ZFYVE1: variants seen among roughly 807,000 people sequenced by gnomAD.
The protein encoded by ZFYVE1 is zinc finger FYVE-type containing 1, also known as zinc finger FYVE domain-containing protein 1.
A neutral mutation model predicts 74.4 loss-of-function variants in ZFYVE1; 30 were observed. That is an observed-to-expected ratio of 0.40 (90% CI 0.30 to 0.55). The LOEUF is 0.55. Ranked by LOEUF, ZFYVE1 falls within the 20% of genes least tolerant of loss-of-function variation. The pLI is 0.42. For synonymous variants in ZFYVE1, 335 were observed against 385.1 expected (o/e 0.87, Z 1.52); for missense variants, 703 against 1,011.6 (o/e 0.69, Z 4.14).
At chr14:72,991,490 C>T (rs1893612393) in intron 4 of ZFYVE1, among the ~76,000 whole-genome samples, 1 of 152,006 alleles carries the variant, frequency 6.6e-6, no homozygotes, top group African/African-American at 2.4e-5. Context: ...CGCCCGGCCC[C>T]TGATGGTCTT....
rs1466943158 is a variant in ZFYVE1 at position 72,998,091 on chromosome 14, C to T, written c.708G>A (p.Thr236=). Residue 236 remains threonine, a synonymous_variant, in exon 3 of 12, where the codon ACG becomes ACA. Coordinates refer to ENST00000556143, the MANE Select transcript of ZFYVE1 (RefSeq NM_021260.4). The part of the protein sequence containing the change: ...DPVHKVAVID[T]EGLLGATVNL... ...TCACGGTGGCCCCCAGGAGCCCTTCCGTATCGATCACTGCTACTTTGTGAA... is the reference window on the plus strand; with the variant it reads ...TCACGGTGGCCCCCAGGAGCCCTTCTGTATCGATCACTGCTACTTTGTGAA... 11 of 1,614,006 alleles carry T rather than the reference C, an allele frequency of 6.8e-6. No individual in the cohort carries two copies. The highest frequency in any genetic ancestry group is 1.1e-5 in the South Asian group (1 of 91,066).
At chr14:73,007,658 G>A (rs572846155) in intron 2 of ZFYVE1, among the ~76,000 whole-genome samples, 2 of 152,224 alleles carry the variant, frequency 1.3e-5, no homozygotes, top group South Asian at 4.1e-4. Flanking sequence ...TTATAGGTGT[G>A]AGCCACTGAG....
intron 2 of ZFYVE1, among the ~76,000 whole-genome samples, chr14:73,019,347 G>GT (rs1350152245): frequency 6.6e-6 from 1 of 151,984 alleles, no homozygotes; most frequent in Admixed American, 6.6e-5. Flanking sequence ...TTGGGAGGCT[G>GT]TAAGTGGAAG....
chr14:73,014,361 T>C (rs1265244468), intron 2 of ZFYVE1, among the ~76,000 whole-genome samples: 1 of 152,176 alleles, frequency 6.6e-6, no homozygotes, highest in African/African-American at 2.4e-5. Flanking sequence ...TTGGTCTGAG[T>C]CATCCTCAAC....
intron 2 of ZFYVE1, among the ~76,000 whole-genome samples, chr14:72,999,180 A>G (rs1229047450): frequency 2.0e-5 from 3 of 152,016 alleles, no homozygotes; most frequent in African/African-American, 4.8e-5. Flanking sequence ...TGTAATCCCA[A>G]CACTTTGTGA....
chr14:72,978,175 G>A lies in ZFYVE1; in HGVS notation c.1479C>T (p.Asp493=). The change falls in exon 7 of 12, where the codon GAC becomes GAT. Residue 493 remains aspartate, a synonymous_variant. Coordinates refer to ENST00000556143, the MANE Select transcript of ZFYVE1 (RefSeq NM_021260.4). ...ATTTTGCGAGACCCATCCAGGGGGA[G>A]TCAGTGGAAGCAGATGTTTTGGGCA... ...SVVPKTSAST[D]SPWMGLAKYA... is the part of the protein sequence containing the mutation. 1 of 1,614,232 alleles carries A rather than the reference G, an allele frequency of 6.2e-7. No individual in the cohort carries two copies. The highest frequency in any genetic ancestry group is 8.5e-7 in the Non-Finnish European group (1 of 1,180,044).
Position 72,975,072 on chromosome 14 carries a change from G to C in ZFYVE1, c.1807-113C>G. ...GCAGAAACTAAGGCAGGTGGCGTTA[G>C]CTCAACAAGGACAAGAGCTTTCTAG... On this transcript the variant is annotated intron_variant, in intron 9 of 11. Coordinates refer to ENST00000556143, the MANE Select transcript of ZFYVE1 (RefSeq NM_021260.4). The surrounding 1 kb of genome is among the most constrained non-coding windows in gnomAD (Gnocchi z 4.1). The C allele has an allele frequency of 4.2e-6, 5 of 1,182,990 alleles. No homozygotes were observed. The highest frequency in any genetic ancestry group is 5.8e-6 in the Non-Finnish European group (5 of 855,400). The allele number at this position is 1,182,990 out of a possible 1,614,324, so 73.3% of individuals were successfully genotyped here.
At chr14:72,984,461 G>A (rs941336997) in intron 4 of ZFYVE1, among the ~76,000 whole-genome samples, 3 of 152,020 alleles carry the variant, frequency 2.0e-5, no homozygotes, top group Admixed American at 6.6e-5. Flanking sequence ...CCCGGGAGGC[G>A]GACGTTACAG....
At chr14:73,012,845 T>C (rs1894117453) in intron 2 of ZFYVE1, among the ~76,000 whole-genome samples, 1 of 152,162 alleles carries the variant, frequency 6.6e-6, no homozygotes, top group South Asian at 2.1e-4. Context: ...ACATAAACTA[T>C]ATTGAACGCT....
chr14:72,976,550 C>T (rs140739505), intron 8 of ZFYVE1, among the ~76,000 whole-genome samples: 61 of 151,896 alleles, frequency 4.0e-4, no homozygotes, highest in African/African-American at 1.2e-3. Context: ...TTTGGGAGGC[C>T]GAGGTAGGTG....
intron 2 of ZFYVE1, among the ~76,000 whole-genome samples, chr14:73,013,501 C>T (rs2333020): frequency 6.6e-6 from 1 of 151,358 alleles, no homozygotes; most frequent in Non-Finnish European, 1.5e-5. Flanking sequence ...CCAGCTACTT[C>T]GGAGGCTGAG....
intron 4 of ZFYVE1, among the ~76,000 whole-genome samples, chr14:72,982,813 G>T (rs1228160311): frequency 6.6e-6 from 1 of 152,154 alleles, no homozygotes; most frequent in Admixed American, 6.6e-5. Context: ...CTGGAAAAAG[G>T]GCAGGTTAGG....
At chr14:73,003,707 CTG>C (rs1893922294) in intron 2 of ZFYVE1, among the ~76,000 whole-genome samples, 10 of 149,132 alleles carry the variant, frequency 6.7e-5, no homozygotes, top group African/African-American at 2.4e-5. Flanking sequence ...AAGACTCTAA[CTG>C]GAAAAAAAAA....
At position 73,024,784 on chromosome 14, in the gene ZFYVE1, G is replaced by T. The variant is rs982572633; in HGVS notation, c.-276C>A. On this transcript the variant is annotated 5_prime_UTR_variant, in exon 2 of 12. Transcript: ENST00000556143. The stretch of plus-strand genomic sequence containing the variant: ...TGCAAGCAAAGATGTGGTCAAAATT[G>T]ACTTGGAAGGGTCTTTTATGGCTAT... 2.7e-6 allele frequency: 1 copy of T among 370,154 alleles called. No individual in the cohort carries two copies. The highest frequency in any genetic ancestry group is 4.4e-5 in the Admixed American group (1 of 22,698). 22.9% of individuals were successfully genotyped at this position (370,154 alleles called of 1,614,324 possible).
intron 2 of ZFYVE1, among the ~76,000 whole-genome samples, chr14:73,019,430 A>G (rs1044035810): frequency 2.6e-4 from 40 of 151,974 alleles, no homozygotes; most frequent in Admixed American, 2.5e-3. Context: ...AAAAATCCCT[A>G]TGTACTAAAT....
chr14:73,022,590 T>C (rs373473048), intron 2 of ZFYVE1, among the ~76,000 whole-genome samples: 5 of 152,168 alleles, frequency 3.3e-5, no homozygotes, highest in Admixed American at 3.3e-4. Context: ...TCAAAAAGAT[T>C]AGGAATGGAA....
At chr14:73,007,540 G>C (rs907730291) in intron 2 of ZFYVE1, among the ~76,000 whole-genome samples, 2 of 151,972 alleles carry the variant, frequency 1.3e-5, no homozygotes, top group Non-Finnish European at 2.9e-5. Context: ...ACCATAGCTG[G>C]CTAAACTTAT....
At chr14:72,996,206 C>T (rs1346570692) in intron 3 of ZFYVE1, among the ~76,000 whole-genome samples, 1 of 151,994 alleles carries the variant, frequency 6.6e-6, no homozygotes, top group African/African-American at 2.4e-5. Context: ...AGTGATGGCA[C>T]TACATTTAGG....
intron 2 of ZFYVE1, among the ~76,000 whole-genome samples, chr14:73,005,716 G>T (rs1893964196): frequency 6.6e-6 from 1 of 152,152 alleles, no homozygotes; most frequent in South Asian, 2.1e-4. Flanking sequence ...TGCCTGGCAT[G>T]GAGTAAGCAC....
Sources: gnomAD v4.1 joint callset for allele counts (sites outside exome capture counted in the v4.1 genomes callset) on GRCh38, gnomAD v4.1.1 for gene constraint, Gnocchi (gnomAD v3.1) non-coding constraint, MANE v1.5 for transcripts, NCBI Gene and HGNC (gene_info 2026-07-23, HGNC 2026-07-21) for gene names.